NFIB: variants seen among roughly 807,000 people sequenced by gnomAD.
NFIB encodes nuclear factor I B.
A neutral mutation model predicts 61.5 loss-of-function variants in NFIB; 11 were observed. The observed-to-expected ratio is 0.18, with a 90% CI of 0.11 to 0.30. The LOEUF is 0.30. Among genes scored for constraint, NFIB ranks in the 10% least tolerant of loss-of-function variants. NFIB has a pLI of 1.00. For synonymous variants in NFIB, 260 were observed against 216.5 expected (o/e 1.20, Z -1.76); for missense variants, 471 against 608.9 (o/e 0.77, Z 2.38).
intron 1 of NFIB, among the ~76,000 whole-genome samples, chr9:14,375,385 C>T (rs1187777968): frequency 1.3e-5 from 2 of 152,320 alleles, no homozygotes; most frequent in African/African-American, 2.4e-5. Context: ...GGGCCAGGTG[C>T]AGTGGCTCAT....
At chr9:14,185,655 C>A (rs571706405) in intron 2 of NFIB, among the ~76,000 whole-genome samples, 4 of 152,050 alleles carry the variant, frequency 2.6e-5, no homozygotes, top group Non-Finnish European at 5.9e-5. Flanking sequence ...AACAGAAAAC[C>A]ATCAGTCTAT....
the NFIB span, among the ~76,000 whole-genome samples, chr9:14,519,271 A>C: frequency 6.6e-6 from 1 of 152,178 alleles, no homozygotes; most frequent in Non-Finnish European, 1.5e-5. Flanking sequence ...CAGGAAGAGA[A>C]GTTGAGAGAG....
intron 2 of NFIB, among the ~76,000 whole-genome samples, chr9:14,298,309 T>C (rs937537283): frequency 6.6e-6 from 1 of 152,200 alleles, no homozygotes; most frequent in Non-Finnish European, 1.5e-5. Context: ...CATAACTAAA[T>C]TTCCCACTTT....
At chr9:14,222,580 C>T (rs573605915) in intron 2 of NFIB, among the ~76,000 whole-genome samples, 5 of 152,060 alleles carry the variant, frequency 3.3e-5, no homozygotes, top group African/African-American at 1.2e-4. Context: ...AAATGGGAGG[C>T]TCAGTTGAGC....
Position 14,120,150 on chromosome 9 carries a change from C to A in NFIB, c.1245+290G>T, listed in dbSNP as rs74571580. ...GGTATTTAAGAGGTGTGAACTCCAG[C>A]CCAGAGCTTTCCTGTCAATGTACTT... On this transcript the variant is annotated intron_variant, in intron 8 of 10. Coordinates refer to ENST00000380953, the MANE Select transcript of NFIB (RefSeq NM_001190737.2). The surrounding 1 kb of genome is among the most constrained non-coding windows in gnomAD (Gnocchi z 4.4). Among the ~76,000 whole-genome samples the A allele has an allele frequency of 2.8e-3, 421 of 152,216 alleles. 5 individuals carry two copies. The highest frequency in any genetic ancestry group is 0.028 in the East Asian group (143 of 5,174).
At chr9:14,195,280 G>T (rs1484502021) in intron 2 of NFIB, among the ~76,000 whole-genome samples, 1 of 152,180 alleles carries the variant, frequency 6.6e-6, no homozygotes, top group African/African-American at 2.4e-5. Context: ...GCAAAGCTCT[G>T]TCACTACCTA....
intron 1 of NFIB, chr9:14,357,637 G>C (rs960455776): frequency 5.3e-5 from 8 of 152,156 alleles, no homozygotes; most frequent in African/African-American, 7.2e-5. Flanking sequence ...TTACTAAAGA[G>C]ACCATTGGTT....
chr9:14,375,365 C>T lies in NFIB; in HGVS notation c.108+23159G>A, dbSNP rs547032960. Among the ~76,000 whole-genome samples the T allele has an allele frequency of 7.9e-5, 12 of 152,210 alleles. No individual in the cohort carries two copies. In the East Asian group the frequency reaches 2.3e-3, roughly 29 times the overall value. On this transcript the variant is annotated intron_variant, in intron 1 of 8. Transcript: ENST00000380934. ...CTTTTAAGGAGCTTCTCCAGAAGTACCTGGGGACAGGGCCAGGTGCAGTGG... is the reference window on the plus strand; with the variant it reads ...CTTTTAAGGAGCTTCTCCAGAAGTATCTGGGGACAGGGCCAGGTGCAGTGG...
chr9:14,200,557 T>G (rs1354109383), intron 2 of NFIB, among the ~76,000 whole-genome samples: 2 of 152,212 alleles, frequency 1.3e-5, no homozygotes, highest in African/African-American at 2.4e-5. Flanking sequence ...TTTCCCAGAC[T>G]CTACTTAGTT....
At chr9:14,113,187 A>C (rs963260652) in intron 9 of NFIB, 106 bp from the exon 10 acceptor site, 1 of 867,248 alleles carries the variant, frequency 1.2e-6, no homozygotes, top group African/African-American at 1.8e-5. Flanking sequence ...AACCAAAAAA[A>C]AAAAGTGTCT....
intron 2 of NFIB, among the ~76,000 whole-genome samples, chr9:14,230,956 G>A (rs1213551933): frequency 6.7e-6 from 1 of 149,280 alleles, no homozygotes; most frequent in African/African-American, 2.4e-5. Context: ...TGTGGATTCT[G>A]GTGGCGAAAG....
At chr9:14,089,412 C>T (rs2033477790) in intron 10 of NFIB, among the ~76,000 whole-genome samples, 1 of 150,314 alleles carries the variant, frequency 6.7e-6, no homozygotes, top group African/African-American at 2.4e-5. Flanking sequence ...TTGCTACTAG[C>T]ATAATCTCCC....
chr9:14,167,281 G>A (rs545583201), intron 3 of NFIB, among the ~76,000 whole-genome samples: 2 of 152,292 alleles, frequency 1.3e-5, no homozygotes, highest in African/African-American at 4.8e-5. Flanking sequence ...GGTGGCTCAT[G>A]CCTGTAATCC....
In NFIB at chr9:14,083,863, T is replaced by C. The variant is rs569652834; in HGVS notation, c.*4446A>G. On this transcript the variant is annotated 3_prime_UTR_variant, in exon 11 of 11. Coordinates refer to ENST00000380953, the MANE Select transcript of NFIB (RefSeq NM_001190737.2). The stretch of plus-strand genomic sequence containing the variant: ...CACGTTATGTGAGACATAGCACTGT[T>C]TTAGTTTTCTGCCTATCCTGAATGC... 41 of 225,000 alleles carry C rather than the reference T, an allele frequency of 1.8e-4. No homozygotes were observed. The highest frequency in any genetic ancestry group is 3.4e-4 in the Non-Finnish European group (38 of 112,828). 13.9% of individuals were successfully genotyped at this position (225,000 alleles called of 1,614,324 possible).
upstream of NFIB, among the ~76,000 whole-genome samples, chr9:14,314,952 TCTGAGCCCGAGA>T (rs2060471567): frequency 6.6e-6 from 1 of 151,590 alleles, no homozygotes; most frequent in Admixed American, 6.6e-5. Flanking sequence ...ACCGAAACCG[TCTGAGCCCGAGA>T]AAGGAACGAG....
intron 1 of NFIB, among the ~76,000 whole-genome samples, chr9:14,353,415 G>C (rs182229071): frequency 6.6e-6 from 1 of 152,276 alleles, no homozygotes; most frequent in African/African-American, 2.4e-5. Context: ...ACCACTGCTA[G>C]GGTGTCCTTG....
chr9:14,138,510 AATGTT>A (rs1161714955), intron 6 of NFIB, among the ~76,000 whole-genome samples: 1 of 152,140 alleles, frequency 6.6e-6, no homozygotes, highest in Non-Finnish European at 1.5e-5. Context: ...TTAAGAAATT[AATGTT>A]ATATTTGTTA....
chr9:14,128,065 C>G (rs2039909912), intron 6 of NFIB, among the ~76,000 whole-genome samples: 1 of 151,616 alleles, frequency 6.6e-6, no homozygotes, highest in African/African-American at 2.4e-5. Context: ...TTCAAGATGC[C>G]AAAAATAATA....
At chr9:14,415,341 G>T in the NFIB span, among the ~76,000 whole-genome samples, 21 of 152,142 alleles carry the variant, frequency 1.4e-4, no homozygotes, top group African/African-American at 5.1e-4. Context: ...ACAAAGTCTT[G>T]TATACGAGGC....
Sources: gnomAD v4.1 joint callset for allele counts (sites outside exome capture counted in the v4.1 genomes callset) on GRCh38, gnomAD v4.1.1 for gene constraint, Gnocchi (gnomAD v3.1) non-coding constraint, MANE v1.5 for transcripts, NCBI Gene and HGNC (gene_info 2026-07-23, HGNC 2026-07-21) for gene names.